The following SAE1 variants were observed in gnomAD, a reference collection of about 807,000 sequenced individuals.
SAE1 encodes SUMO-activating enzyme subunit 1.
A neutral mutation model predicts 40.6 loss-of-function variants in SAE1; 11 were observed. That is an observed-to-expected ratio of 0.27 (90% CI 0.17 to 0.45). The LOEUF (loss-of-function observed/expected upper bound fraction) is 0.45. Ranked by LOEUF, SAE1 falls within the 20% of genes least tolerant of loss-of-function variation. The pLI is 1.00. For missense variants in SAE1, 373 were observed against 427.3 expected (o/e 0.87, Z 1.12); for synonymous variants, 155 against 154.3 (o/e 1.00, Z -0.03).
At chr19:47,169,593 C>T (rs963467933) in intron 5 of SAE1, among the ~76,000 whole-genome samples, 3 of 152,158 alleles carry the variant, frequency 2.0e-5, no homozygotes, top group Non-Finnish European at 4.4e-5. Flanking sequence ...GGAAGCTTGG[C>T]TCTGTCTTCC....
intron 1 of SAE1, among the ~76,000 whole-genome samples, chr19:47,133,898 T>G (rs2058162782): frequency 6.6e-6 from 1 of 151,038 alleles, no homozygotes; most frequent in Non-Finnish European, 1.5e-5. Context: ...AGTCTCACTC[T>G]GTCGCCCAGG....
At chr19:47,182,739 CAG>C (rs1035613071) in intron 6 of SAE1, among the ~76,000 whole-genome samples, 1 of 152,040 alleles carries the variant, frequency 6.6e-6, no homozygotes, top group African/African-American at 2.4e-5. Context: ...CTATACTACA[CAG>C]TACTGGAAGG....
At chr19:47,180,284 C>T in intron 6 of SAE1, 1 of 456,162 alleles carries the variant, frequency 2.2e-6, no homozygotes, top group Non-Finnish European at 4.4e-6. Context: ...GTTTCCAGAT[C>T]TGGGGTAGGA....
chr19:47,145,382 G>A (rs1416819448), intron 2 of SAE1, among the ~76,000 whole-genome samples: 1 of 152,050 alleles, frequency 6.6e-6, no homozygotes, highest in Non-Finnish European at 1.5e-5. Flanking sequence ...CCTGACCTCA[G>A]GTGATCCGCT....
intron 6 of SAE1, among the ~76,000 whole-genome samples, chr19:47,178,884 T>C (rs905885604): frequency 1.3e-5 from 2 of 152,140 alleles, no homozygotes; most frequent in Middle Eastern, 3.2e-3. Flanking sequence ...GTATTTTGAC[T>C]GCATACCCTC....
chr19:47,136,834 G>C (rs2058183532), intron 1 of SAE1, among the ~76,000 whole-genome samples: 1 of 152,086 alleles, frequency 6.6e-6, no homozygotes. Flanking sequence ...GAAGGGCAGT[G>C]ATTTCCTTCT....
chr19:47,149,400 A>G (rs2058273701), intron 2 of SAE1, among the ~76,000 whole-genome samples: 1 of 149,586 alleles, frequency 6.7e-6, no homozygotes, highest in Non-Finnish European at 1.5e-5. Context: ...CAAACTCCTG[A>G]CCTCAGGTGA....
At chr19:47,159,549 C>A (rs2058345445) in intron 5 of SAE1, among the ~76,000 whole-genome samples, 1 of 151,028 alleles carries the variant, frequency 6.6e-6, no homozygotes, top group African/African-American at 2.4e-5. Flanking sequence ...TTATTTTCTT[C>A]CTTTTTTTTT....
chr19:47,155,276 G>A (rs565790333), intron 5 of SAE1, 63 bp downstream of exon 5: 57 of 1,117,922 alleles, frequency 5.1e-5, no homozygotes, highest in Non-Finnish European at 3.4e-5. Flanking sequence ...AGGCAATGAC[G>A]ATTGAAAAGG....
chr19:47,164,299 G>A (rs942060288), intron 5 of SAE1, among the ~76,000 whole-genome samples: 2 of 151,978 alleles, frequency 1.3e-5, no homozygotes, highest in Non-Finnish European at 2.9e-5. Context: ...CTCCCGAGTA[G>A]CTGGGACTAC....
intron 6 of SAE1, among the ~76,000 whole-genome samples, chr19:47,176,459 A>G (rs980388175): frequency 6.6e-6 from 1 of 152,226 alleles, no homozygotes; most frequent in African/African-American, 2.4e-5. Context: ...AATGGCGCAC[A>G]TAGTAGGTGC....
chr19:47,201,923 G>A (rs535946028), intron 7 of SAE1, among the ~76,000 whole-genome samples: 12 of 152,186 alleles, frequency 7.9e-5, no homozygotes, highest in South Asian at 4.2e-4. Context: ...GTGAGCCACC[G>A]CACCCAGCCC....
At chr19:47,192,799 C>T (rs2058587622) in intron 6 of SAE1, among the ~76,000 whole-genome samples, 1 of 152,044 alleles carries the variant, frequency 6.6e-6, no homozygotes, top group Non-Finnish European at 1.5e-5. Context: ...CTTAGCCTCC[C>T]AAAGTGCTGG....
At chr19:47,185,997 T>C (rs2058542052) in intron 6 of SAE1, among the ~76,000 whole-genome samples, 2 of 150,342 alleles carry the variant, frequency 1.3e-5, no homozygotes, top group African/African-American at 2.4e-5. Context: ...CCCAGCACTT[T>C]GGGAGGCCTA....
At chr19:47,138,314 G>T (rs1303364432) in intron 1 of SAE1, among the ~76,000 whole-genome samples, 1 of 152,198 alleles carries the variant, frequency 6.6e-6, no homozygotes, top group Non-Finnish European at 1.5e-5. Context: ...TAAGTGCTGG[G>T]ATTACAGGCA....
At chr19:47,133,559 G>A (rs1410773305) in intron 1 of SAE1, among the ~76,000 whole-genome samples, 1 of 152,196 alleles carries the variant, frequency 6.6e-6, no homozygotes, top group Non-Finnish European at 1.5e-5. Context: ...CTCCAGAATA[G>A]GTTAAAGTGG....
rs374713237 is a variant in SAE1, at chr19:47,148,159, T to C, written c.211-2043T>C. ...TTGAGCCAGGATTTGAATCAAAGATTGAATCCAGCCTGAATTATTTCAGAG... is the reference window on the plus strand; with the variant it reads ...TTGAGCCAGGATTTGAATCAAAGATCGAATCCAGCCTGAATTATTTCAGAG... On this transcript the variant is annotated intron_variant, in intron 2 of 8. Transcript: ENST00000270225. 4.6e-5 allele frequency among the ~76,000 whole-genome samples: 7 copies of C among 152,190 alleles called. No homozygotes were observed. The East Asian group carries it at 1.2e-3, about 25-fold the overall frequency.
At chr19:47,160,992 TA>T (rs1350269293) in intron 5 of SAE1, among the ~76,000 whole-genome samples, 1 of 152,036 alleles carries the variant, frequency 6.6e-6, no homozygotes, top group African/African-American at 2.4e-5. Context: ...TCTGTATATA[TA>T]TTTAATTTTA....
intron 6 of SAE1, among the ~76,000 whole-genome samples, chr19:47,184,122 G>A (rs1442170722): frequency 1.3e-5 from 2 of 152,166 alleles, no homozygotes; most frequent in Admixed American, 6.5e-5. Context: ...TTTAAGGAAA[G>A]GAATAGAATA....
Sources: gnomAD v4.1 joint callset for allele counts (sites outside exome capture counted in the v4.1 genomes callset) on GRCh38, gnomAD v4.1.1 for gene constraint, MANE v1.5 for transcripts, NCBI Gene and HGNC (gene_info 2026-07-23, HGNC 2026-07-21) for gene names.